The following DOCK1 variants were observed in gnomAD, a reference collection of about 807,000 sequenced individuals.
DOCK1 encodes dedicator of cytokinesis protein 1.
Under a neutral mutation model 262.7 loss-of-function variants are expected in DOCK1, and 138 were observed. That is an observed-to-expected ratio of 0.53 (90% CI 0.46 to 0.61). The LOEUF is 0.61. DOCK1 is among the 20% of genes least tolerant of loss of function. The pLI, the probability that DOCK1 is intolerant of heterozygous loss-of-function variation, is 0.00. For synonymous variants in DOCK1, 866 were observed against 867.4 expected (o/e 1.00, Z 0.03); for missense variants, 1,908 against 2,370.7 (o/e 0.80, Z 4.05).
At chr10:127,137,977 C>A in intron 27 of DOCK1, 6 of 1,613,520 alleles carry the variant, frequency 3.7e-6, no homozygotes, top group Non-Finnish European at 5.1e-6. Flanking sequence ...TTTCTTAGAA[C>A]CGGCTGGAGT....
At chr10:127,026,589 G>A (rs1207608531) in intron 16 of DOCK1, 165 bp downstream of exon 16, 1 of 690,874 alleles carries the variant, frequency 1.4e-6, no homozygotes, top group Non-Finnish European at 2.5e-6. Flanking sequence ...TTTTCCTTGA[G>A]CAGATCTCAG....
intron 1 of DOCK1, among the ~76,000 whole-genome samples, chr10:126,936,212 C>T (rs1466781915): frequency 2.0e-5 from 3 of 152,206 alleles, no homozygotes; most frequent in Non-Finnish European, 4.4e-5. Context: ...AATTCTTGGC[C>T]TCAGCTCAGG....
Position 127,158,323 on chromosome 10 carries a change from AC to A in DOCK1, c.2847+30560del, listed in dbSNP as rs752535514. Among the ~76,000 whole-genome samples, 15 of 152,350 alleles carry A rather than the reference AC, an allele frequency of 9.8e-5. No homozygotes were observed. In the South Asian group the frequency reaches 3.1e-3, roughly 32 times the overall value. On this transcript the variant is annotated intron_variant, in intron 27 of 51. Transcript: ENST00000623213. The stretch of plus-strand genomic sequence containing the variant: ...TGCTAGAGCAGATTCTTCTCCAGTG[AC>A]AGTAGGGCTGGAGATCTTTTGTAGA...
chr10:127,167,877 C>G (rs1274319434), intron 27 of DOCK1, among the ~76,000 whole-genome samples: 1 of 152,126 alleles, frequency 6.6e-6, no homozygotes, highest in African/African-American at 2.4e-5. Flanking sequence ...TCCCTGTGTT[C>G]AAGCTCCTCC....
intron 23 of DOCK1, among the ~76,000 whole-genome samples, chr10:127,087,448 G>A (rs545078837): frequency 6.6e-6 from 1 of 152,274 alleles, no homozygotes; most frequent in African/African-American, 2.4e-5. Flanking sequence ...GTAGAGGGGT[G>A]CTGCTTTGTG....
chr10:126,950,016 T>A (rs1255846682), intron 1 of DOCK1, among the ~76,000 whole-genome samples: 1 of 151,886 alleles, frequency 6.6e-6, no homozygotes, highest in Non-Finnish European at 1.5e-5. Context: ...CTTCTAGACC[T>A]GCGTCTTTGA....
At chr10:127,213,312 T>G (rs1407499617) in intron 27 of DOCK1, among the ~76,000 whole-genome samples, 1 of 152,220 alleles carries the variant, frequency 6.6e-6, no homozygotes, top group Non-Finnish European at 1.5e-5. Flanking sequence ...GTTTTTCTTT[T>G]TATTCAAAGC....
chr10:127,069,612 G>A (rs924146189), intron 23 of DOCK1, among the ~76,000 whole-genome samples: 2 of 152,176 alleles, frequency 1.3e-5, no homozygotes, highest in African/African-American at 4.8e-5. Flanking sequence ...CTCATCATTC[G>A]TGGGGACACA....
At chr10:127,017,159 AAC>A (rs141792612) in intron 12 of DOCK1, among the ~76,000 whole-genome samples, 80,926 of 145,080 alleles carry the variant, frequency 0.56, 22,271 homozygotes, top group South Asian at 0.7. Flanking sequence ...AGACACCACA[AAC>A]ACACACACAC....
At chr10:127,049,937 T>C (rs1218691019) in intron 21 of DOCK1, among the ~76,000 whole-genome samples, 3 of 151,310 alleles carry the variant, frequency 2.0e-5, no homozygotes, top group Admixed American at 2.0e-4. Context: ...ACTGCTGTTT[T>C]CTTTTAACAG....
At chr10:127,392,370 G>A (rs996359203) in intron 38 of DOCK1, among the ~76,000 whole-genome samples, 5 of 152,162 alleles carry the variant, frequency 3.3e-5, no homozygotes, top group Admixed American at 1.3e-4. Context: ...AGCAGAGGCA[G>A]TGGCTGTGGC....
At position 127,362,188 on chromosome 10, in the gene DOCK1, C is replaced by G. The variant is rs763263425; in HGVS notation, c.3408C>G (p.Phe1136Leu). The stretch of plus-strand genomic sequence containing the variant: ...TCTTTGATATGATGCAGTGTGAATT[C>G]CATTCGACCCGAAGCTTCCAAATGG... ...PIFFDMMQCEFHSTRSFQMFE... is the reference protein window; with the variant it reads ...PIFFDMMQCELHSTRSFQMFE... Residue 1136 changes from phenylalanine (F) to leucine (L), a missense_variant, in exon 33 of 52, where the codon TTC becomes TTG. Phe to Leu is a conservative substitution (Grantham distance 22). Around this residue, in one of 9 missense-constraint regions of DOCK1, gnomAD observed 518 missense variants for 575.1 expected, o/e 0.90. Coordinates refer to ENST00000623213, the MANE Select transcript of DOCK1 (RefSeq NM_001290223.2). 6.2e-7 allele frequency: 1 copy of G among 1,613,506 alleles called. No individual in the cohort carries two copies. Among genetic ancestry groups the G allele is most frequent in the Non-Finnish European group, 8.5e-7 (1 of 1,179,826 alleles).
chr10:127,435,631 A>T (rs1041383388), intron 48 of DOCK1, among the ~76,000 whole-genome samples: 1 of 152,164 alleles, frequency 6.6e-6, no homozygotes, highest in African/African-American at 2.4e-5. Flanking sequence ...TTCTAGGAAC[A>T]TAGGGGTTAG....
chr10:127,424,138 C>G (rs866561970), intron 46 of DOCK1, among the ~76,000 whole-genome samples: 11 of 152,194 alleles, frequency 7.2e-5, no homozygotes, highest in African/African-American at 2.4e-4. Context: ...TATCTTCTTT[C>G]ATTTAGAATC....
Position 127,439,032 on chromosome 10 carries a change from C to T in DOCK1, c.5066C>T (p.Ala1689Val), listed in dbSNP as rs1337389584. ...TPSRPGSDGFALEPLLPKKMH... is the reference protein window; with the variant it reads ...TPSRPGSDGFVLEPLLPKKMH... ...GTCATTGACCTTTCCTTTAGGTTTG[C>T]CCTGGAGCCTCTCCTGCCAAAGAAA... The change falls in exon 49 of 52, where the codon GCC becomes GTC. Residue 1689 changes from alanine (A) to valine (V), a missense_variant. This residue lies in a region of DOCK1 where 383 missense variants were observed against 420.1 expected (regional missense o/e 0.91). Coordinates refer to ENST00000623213, the MANE Select transcript of DOCK1 (RefSeq NM_001290223.2). 6.4e-7 allele frequency: 1 copy of T among 1,551,100 alleles called. No individual in the cohort carries two copies. Among genetic ancestry groups the T allele is most frequent in the Non-Finnish European group, 8.7e-7 (1 of 1,146,796 alleles).
rs1361135651 is a variant in DOCK1 at position 127,097,689 on chromosome 10, A to G, written c.2446-8542A>G. Among the ~76,000 whole-genome samples, 6 of 152,356 alleles carry G rather than the reference A, an allele frequency of 3.9e-5. No homozygotes were observed. In the East Asian group the frequency reaches 1.2e-3, roughly 29 times the overall value. ...AGTTGATAGAATAACATAAGCCAGGACTTAAACTGCCATTAAGTTATTTTA... is the reference window on the plus strand; with the variant it reads ...AGTTGATAGAATAACATAAGCCAGGGCTTAAACTGCCATTAAGTTATTTTA... On this transcript the variant is annotated intron_variant, in intron 23 of 51. Transcript: ENST00000623213.
At chr10:127,289,203 C>A (rs1409222846) in intron 29 of DOCK1, among the ~76,000 whole-genome samples, 3 of 152,134 alleles carry the variant, frequency 2.0e-5, no homozygotes, top group Non-Finnish European at 4.4e-5. Context: ...TATTCCCATC[C>A]CTTTCTTATT....
Position 127,439,069 on chromosome 10 carries a change from G to C in DOCK1, c.5103G>C (p.Arg1701Ser). The change falls in exon 49 of 52, where the codon AGG becomes AGC. Residue 1701 changes from arginine (R) to serine (S), a missense_variant. By Grantham distance (110) the Arg-to-Ser change is moderately radical. This residue lies in a region of DOCK1 where 383 missense variants were observed against 420.1 expected (regional missense o/e 0.91). Coordinates refer to ENST00000623213, the MANE Select transcript of DOCK1 (RefSeq NM_001290223.2). The stretch of plus-strand genomic sequence containing the variant: ...TCCTGCCAAAGAAAATGCACTCCAG[G>C]TCCCAGGACAAGCTGGACAAGGATG... ...EPLLPKKMHS[R>S]SQDKLDKDDL... 1 of 1,556,438 alleles carries C rather than the reference G, an allele frequency of 6.4e-7. No homozygotes were observed. The highest frequency in any genetic ancestry group is 8.7e-7 in the Non-Finnish European group (1 of 1,149,628).
chr10:127,071,724 T>G (rs190673154), intron 23 of DOCK1, among the ~76,000 whole-genome samples: 1 of 152,356 alleles, frequency 6.6e-6, no homozygotes. Context: ...TTCCTCAAAT[T>G]AATTTTTCTA....
Sources: gnomAD v4.1 joint callset for allele counts (sites outside exome capture counted in the v4.1 genomes callset) on GRCh38, gnomAD v4.1.1 for gene constraint, gnomAD v4.1.1 regional missense constraint, MANE v1.5 for transcripts, NCBI Gene and HGNC (gene_info 2026-07-23, HGNC 2026-07-21) for gene names.